Variants in NFIA observed in about 807,000 individuals in gnomAD.
NFIA encodes nuclear factor I A.
Under a neutral mutation model 62.8 loss-of-function variants are expected in NFIA, and 8 were observed. That is an observed-to-expected ratio of 0.13 (90% confidence interval 0.07 to 0.23). NFIA has a LOEUF of 0.23. Ranked by LOEUF, NFIA falls within the 10% of genes least tolerant of loss-of-function variation. NFIA has a pLI of 1.00. For missense variants in NFIA, 410 were observed against 642.1 expected (o/e 0.64, Z 3.91); for synonymous variants, 235 against 238.1 (o/e 0.99, Z 0.12).
At chr1:61,399,047 T>A (rs1439290041) in intron 7 of NFIA, among the ~76,000 whole-genome samples, 1 of 152,238 alleles carries the variant, frequency 6.6e-6, no homozygotes, top group Admixed American at 6.5e-5. Context: ...TACAAATTTT[T>A]ACTTCTAATT....
intron 9 of NFIA, among the ~76,000 whole-genome samples, chr1:61,408,300 A>G (rs573806770): frequency 3.3e-5 from 5 of 152,370 alleles, no homozygotes; most frequent in African/African-American, 1.2e-4. Flanking sequence ...TTAGAAGCTC[A>G]GCTTAGAAGG....
rs145202436 is a variant in NFIA, at chr1:61,378,882, A to T, written c.947-4355A>T. Among the ~76,000 whole-genome samples the T allele has an allele frequency of 5.1e-3, 769 of 152,270 alleles. 5 individuals are homozygous for T. The highest frequency in any genetic ancestry group is 0.017 in the African/African-American group (719 of 41,566). On this transcript the variant is annotated intron_variant, in intron 6 of 10. Coordinates refer to ENST00000403491, the MANE Select transcript of NFIA (RefSeq NM_001134673.4). ...TGCAGTTCCTTACCATGTGGCTGTC[A>T]CAGGCCCTTTCACAATATGGCAGCT... is the stretch of plus-strand genomic sequence containing the variant.
intron 2 of NFIA, among the ~76,000 whole-genome samples, chr1:61,156,420 G>A (rs1047545880): frequency 6.6e-6 from 1 of 152,126 alleles, no homozygotes; most frequent in Non-Finnish European, 1.5e-5. Context: ...CATTACTTTT[G>A]TGGCAAAGGC....
chr1:61,292,487 T>C (rs1452130259), intron 3 of NFIA, among the ~76,000 whole-genome samples: 1 of 152,180 alleles, frequency 6.6e-6, no homozygotes, highest in East Asian at 1.9e-4. Flanking sequence ...GCAGTGGGCA[T>C]ATCCACATAA....
At chr1:61,445,342 C>A (rs1667761535) in intron 10 of NFIA, among the ~76,000 whole-genome samples, 1 of 152,160 alleles carries the variant, frequency 6.6e-6, no homozygotes, top group Non-Finnish European at 1.5e-5. Flanking sequence ...AAGCCTCCCC[C>A]TCATATCCCC....
At chr1:61,092,005 T>C (rs1269510068) in intron 2 of NFIA, among the ~76,000 whole-genome samples, 2 of 152,182 alleles carry the variant, frequency 1.3e-5, no homozygotes, top group Non-Finnish European at 2.9e-5. Context: ...GGCCATAGAA[T>C]GACAGTTTCA....
intron 2 of NFIA, among the ~76,000 whole-genome samples, chr1:61,128,077 C>A (rs915886954): frequency 6.6e-6 from 1 of 152,116 alleles, no homozygotes; most frequent in Non-Finnish European, 1.5e-5. Context: ...TAAAAATGCG[C>A]TTGTACTGAG....
At chr1:61,266,616 T>G (rs1277700291) in intron 2 of NFIA, among the ~76,000 whole-genome samples, 1 of 152,140 alleles carries the variant, frequency 6.6e-6, no homozygotes, top group Non-Finnish European at 1.5e-5. Flanking sequence ...CAGGCTGGTC[T>G]CAAACTCTCC....
At chr1:61,374,649 A>C (rs1386130570) in intron 6 of NFIA, among the ~76,000 whole-genome samples, 1 of 152,162 alleles carries the variant, frequency 6.6e-6, no homozygotes, top group Non-Finnish European at 1.5e-5. Flanking sequence ...TTTTTACTCC[A>C]TACTCCCATT....
chr1:61,303,291 T>C (rs1163745282), intron 3 of NFIA, among the ~76,000 whole-genome samples: 1 of 152,218 alleles, frequency 6.6e-6, no homozygotes, highest in Admixed American at 6.5e-5. Flanking sequence ...TTGCACAGGA[T>C]ACATCACTGA....
intron 2 of NFIA, among the ~76,000 whole-genome samples, chr1:61,173,704 T>C (rs1468694629): frequency 1.3e-5 from 2 of 152,130 alleles, no homozygotes; most frequent in African/African-American, 4.8e-5. Context: ...TTCCCCTTTA[T>C]GTTTTCTCTC....
chr1:61,224,877 GT>G (rs1271085803), intron 2 of NFIA, among the ~76,000 whole-genome samples: 1 of 152,142 alleles, frequency 6.6e-6, no homozygotes, highest in Non-Finnish European at 1.5e-5. Flanking sequence ...GGATAAGGGT[GT>G]TGAAAATGTG....
At chr1:61,443,299 G>A (rs774121826) in intron 10 of NFIA, among the ~76,000 whole-genome samples, 6 of 152,160 alleles carry the variant, frequency 3.9e-5, no homozygotes, top group Non-Finnish European at 7.4e-5. Context: ...CCTGTTAGGA[G>A]ACAAAACACA....
chr1:61,086,558 G>A (rs1209814562), intron 1 of NFIA, among the ~76,000 whole-genome samples: 1 of 152,086 alleles, frequency 6.6e-6, no homozygotes, highest in African/African-American at 2.4e-5. Flanking sequence ...AAAAAGAGCA[G>A]TTTTGAAAGC....
chr1:61,441,211 C>T (rs1393448778), intron 10 of NFIA, among the ~76,000 whole-genome samples: 1 of 152,036 alleles, frequency 6.6e-6, no homozygotes, highest in African/African-American at 2.4e-5. Flanking sequence ...CTGACTCAAA[C>T]GCATTGCAAT....
chr1:61,133,437 C>T (rs1032134258), intron 2 of NFIA, among the ~76,000 whole-genome samples: 12 of 152,094 alleles, frequency 7.9e-5, no homozygotes, highest in Admixed American at 6.5e-5. Flanking sequence ...CATATGTACA[C>T]TAGAATGTTT....
intron 9 of NFIA, among the ~76,000 whole-genome samples, chr1:61,416,098 A>G (rs1001097188): frequency 9.9e-5 from 15 of 152,170 alleles, no homozygotes; most frequent in Non-Finnish European, 5.9e-5. Context: ...GGATGCATGT[A>G]CGTATCAGAC....
chr1:61,401,525 C>T (rs1343039885), intron 7 of NFIA, among the ~76,000 whole-genome samples: 1 of 152,140 alleles, frequency 6.6e-6, no homozygotes, highest in African/African-American at 2.4e-5. Context: ...CTTTAAAGAT[C>T]AGCTCTGCTT....
At chr1:61,409,769 G>C (rs111811043) in intron 9 of NFIA, among the ~76,000 whole-genome samples, 1 of 152,102 alleles carries the variant, frequency 6.6e-6, no homozygotes, top group African/African-American at 2.4e-5. Context: ...ATGAAGGTGC[G>C]GGTGGCAGTG....
Sources: allele counts gnomAD v4.1 joint callset (sites outside exome capture counted in the v4.1 genomes callset), GRCh38; gene constraint gnomAD v4.1.1; transcripts MANE v1.5; gene names NCBI Gene and HGNC (gene_info 2026-07-23, HGNC 2026-07-21).